ASXL2: variants seen among roughly 807,000 people sequenced by gnomAD.
The protein encoded by ASXL2 is ASXL transcriptional regulator 2.
A neutral mutation model predicts 122.0 loss-of-function variants in ASXL2; 23 were observed. That is an observed-to-expected ratio of 0.19 (90% CI 0.14 to 0.27). The LOEUF (loss-of-function observed/expected upper bound fraction) is 0.27, where lower values mean the gene tolerates loss of function less well. Ranked by LOEUF, ASXL2 falls within the 10% of genes least tolerant of loss-of-function variation. The probability of loss-of-function intolerance (pLI) is 1.00; values close to 1 mark genes in which losing one functional copy is unlikely to be tolerated. For synonymous variants in ASXL2, 650 were observed against 637.0 expected (o/e 1.02, Z -0.31); for missense variants, 1,518 against 1,713.8 (o/e 0.89, Z 2.02).
chr2:25,779,353 C>T (rs1354231425), intron 5 of ASXL2, among the ~76,000 whole-genome samples: 1 of 152,126 alleles, frequency 6.6e-6, no homozygotes, highest in African/African-American at 2.4e-5. Context: ...CTGCTTCAGC[C>T]TCCCAAAGTG....
Position 25,767,718 on chromosome 2 carries a change from C to G in ASXL2, c.640G>C (p.Glu214Gln). 1 of 1,613,818 alleles carries G rather than the reference C, an allele frequency of 6.2e-7. No individual in the cohort carries two copies. Among genetic ancestry groups the G allele is most frequent in the Non-Finnish European group, 8.5e-7 (1 of 1,179,818 alleles). ...GTCTGTCCATCAGATTGCTTTCCTT[C>G]CCATGTTGCTAGGAGAAAAAAATAC... is the stretch of plus-strand genomic sequence containing the variant. ...DSVPAKPATW[E>Q]GKQSDGQTGS... Residue 214 changes from glutamate (E) to glutamine (Q), a missense_variant, in exon 8 of 13, where the codon GAA becomes CAA. Physicochemically the swap from Glu to Gln is conservative, Grantham distance 29 (BLOSUM62 2). This residue lies in a region of ASXL2 where 198 missense variants were observed against 209.0 expected (regional missense o/e 0.95). Coordinates refer to ENST00000435504, the MANE Select transcript of ASXL2 (RefSeq NM_018263.6).
At chr2:25,843,841 GA>G (rs2089617600) in intron 2 of ASXL2, among the ~76,000 whole-genome samples, 1 of 133,496 alleles carries the variant, frequency 7.5e-6, no homozygotes, top group East Asian at 2.0e-4. Flanking sequence ...AAGAAAGAAA[GA>G]AAGAAAGAAA....
At chr2:25,803,781 A>C (rs1192747266) in intron 4 of ASXL2, among the ~76,000 whole-genome samples, 1 of 152,240 alleles carries the variant, frequency 6.6e-6, no homozygotes, top group Non-Finnish European at 1.5e-5. Context: ...GGCAGAACTC[A>C]GGCAGTCATG....
rs1405367266 is a variant in ASXL2 at position 25,753,705 on chromosome 2, AATC to A, written c.1037-69_1037-67del. On this transcript the variant is annotated intron_variant, in intron 10 of 12. Transcript: ENST00000435504. ...TATTTGCAACATGTAACTATTTATAAATCATGAAAGACTCACGCAGGAATTGGA... is the reference window on the plus strand; with the variant it reads ...TATTTGCAACATGTAACTATTTATAAATGAAAGACTCACGCAGGAATTGGA... 2.4e-6 allele frequency: 3 copies of A among 1,240,680 alleles called. No homozygotes were observed. The Admixed American group carries it at 5.7e-5, about 24-fold the overall frequency. The allele number at this position is 1,240,680 out of a possible 1,614,324, so 76.9% of individuals were successfully genotyped here.
chr2:25,814,965 T>C (rs1024932015), intron 3 of ASXL2, among the ~76,000 whole-genome samples: 3 of 152,212 alleles, frequency 2.0e-5, no homozygotes, highest in Admixed American at 1.3e-4. Flanking sequence ...TGTAACTCGA[T>C]TGTACAGATC....
Position 25,759,560 on chromosome 2 carries a change from G to C in ASXL2, c.861C>G (p.Ile287Met), listed in dbSNP as rs777285115. The change falls in exon 9 of 13, where the codon ATC becomes ATG. Residue 287 changes from isoleucine (I) to methionine (M), a missense_variant. Transcript: ENST00000435504. ...GAAGGACTGAAAATGTGTGCTTGTT[G>C]ATCAGTGCTCGCAGATTTGTATTAA... ...ILVNTNLRAL[I>M]NKHTFSVLPG... 6.2e-7 allele frequency: 1 copy of C among 1,613,960 alleles called. No homozygotes were observed. Among genetic ancestry groups the C allele is most frequent in the Non-Finnish European group, 8.5e-7 (1 of 1,179,874 alleles).
In ASXL2 at chr2:25,742,702, G is replaced by A; in HGVS notation, c.3635C>T (p.Ser1212Leu). Residue 1212 changes from serine (S) to leucine (L), a missense_variant, in exon 13 of 13, where the codon TCA becomes TTA. Physicochemically the swap from Ser to Leu is moderately radical, Grantham distance 145 (BLOSUM62 -2). This residue lies in a region of ASXL2 where 831 missense variants were observed against 833.1 expected (regional missense o/e 1.00). Coordinates refer to ENST00000435504, the MANE Select transcript of ASXL2 (RefSeq NM_018263.6). ...SQSAGKGDTS[S>L]GPHSRETLST... Reference sequence around the variant, plus strand: ...TAGAGTTTCCCTGCTGTGAGGTCCTGAACTTGTGTCACCCTTGCCAGCACT... The same window carrying A: ...TAGAGTTTCCCTGCTGTGAGGTCCTAAACTTGTGTCACCCTTGCCAGCACT... 6.2e-7 allele frequency: 1 copy of A among 1,613,954 alleles called. No homozygotes were observed. The highest frequency in any genetic ancestry group is 1.1e-5 in the South Asian group (1 of 91,078).
At chr2:25,839,614 C>CTTTTT (rs35346359) in intron 2 of ASXL2, among the ~76,000 whole-genome samples, 3 of 106,948 alleles carry the variant, frequency 2.8e-5, no homozygotes, top group Non-Finnish European at 5.5e-5. Context: ...GAAATTCTAT[C>CTTTTT]TTTTTTTTTT....
rs1574384278 is a variant in ASXL2 at position 25,735,001 on chromosome 2, G to C, written c.*7028C>G. The C allele has an allele frequency of 6.6e-6, 1 of 152,172 alleles. No individual in the cohort carries two copies. The highest frequency in any genetic ancestry group is 1.5e-5 in the Non-Finnish European group (1 of 68,014). 9.4% of individuals were successfully genotyped at this position (152,172 alleles called of 1,614,324 possible). A position where few individuals can be genotyped will look rare whatever the true frequency, so the allele number is the denominator to read the frequency against. ...ATCCTCTAGGTTTTACAATTAAGAA[G>C]AAAATCAGGATTTTTAAAAATTCCC... On this transcript the variant is annotated 3_prime_UTR_variant, in exon 13 of 13. Transcript: ENST00000435504.
chr2:25,856,628 G>GA, intron 1 of ASXL2: 1 of 1,246,296 alleles, frequency 8.0e-7, no homozygotes, highest in Non-Finnish European at 1.2e-6. Flanking sequence ...GGTCAGCAAT[G>GA]AAAATGTCCT....
At chr2:25,808,080 C>T (rs1345489401) in intron 3 of ASXL2, among the ~76,000 whole-genome samples, 1 of 150,766 alleles carries the variant, frequency 6.6e-6, no homozygotes, top group Non-Finnish European at 1.5e-5. Flanking sequence ...GAGCTATTTA[C>T]TTGGGTATAT....
chr2:25,837,953 C>CAAAAAAAAAAA (rs34490545), intron 2 of ASXL2, among the ~76,000 whole-genome samples: 3 of 65,382 alleles, frequency 4.6e-5, no homozygotes, highest in African/African-American at 9.6e-5. Context: ...CCTGTCTCTA[C>CAAAAAAAAAAA]AAAAAAAAAA....
In ASXL2 at chr2:25,741,962, C is replaced by G. The variant is rs888612465; in HGVS notation, c.*67G>C. The stretch of plus-strand genomic sequence containing the variant: ...GTTTATTTCTGTGATTCCAAAAGGA[C>G]GCAAAAAACCCAACTGGTCAACCCT... On this transcript the variant is annotated 3_prime_UTR_variant, in exon 13 of 13. Transcript: ENST00000435504. The G allele has an allele frequency of 6.8e-7, 1 of 1,461,294 alleles. No homozygotes were observed. The highest frequency in any genetic ancestry group is 9.3e-7 in the Non-Finnish European group (1 of 1,079,558). The allele number at this position is 1,461,294 out of a possible 1,614,324, so 90.5% of individuals were successfully genotyped here.
At chr2:25,840,687 T>C (rs1158382431) in intron 2 of ASXL2, among the ~76,000 whole-genome samples, 1 of 152,266 alleles carries the variant, frequency 6.6e-6, no homozygotes, top group Non-Finnish European at 1.5e-5. Context: ...TACTGTAGCA[T>C]GTATCAGAAT....
At chr2:25,866,910 A>AT (rs1559532807) in intron 1 of ASXL2, among the ~76,000 whole-genome samples, 1 of 140,354 alleles carries the variant, frequency 7.1e-6, no homozygotes, top group Non-Finnish European at 1.6e-5. Flanking sequence ...TTTTTTTTTT[A>AT]TTTTTTTGAG....
intron 2 of ASXL2, among the ~76,000 whole-genome samples, chr2:25,842,846 G>C (rs966531629): frequency 1.3e-5 from 2 of 151,334 alleles, no homozygotes; most frequent in East Asian, 3.9e-4. Flanking sequence ...TTTTGAGACA[G>C]AGTCTCGCTC....
chr2:25,787,766 T>C (rs1005338369), intron 5 of ASXL2, among the ~76,000 whole-genome samples: 6 of 152,172 alleles, frequency 3.9e-5, no homozygotes, highest in African/African-American at 1.4e-4. Flanking sequence ...AATGCAGTAA[T>C]ATAGTTTTTA....
chr2:25,761,490 C>A (rs978594074), intron 8 of ASXL2, among the ~76,000 whole-genome samples: 3 of 151,816 alleles, frequency 2.0e-5, no homozygotes, highest in East Asian at 1.9e-4. Flanking sequence ...CTGGCTAACA[C>A]GGTGAAACAT....
chr2:25,744,317 C>T lies in ASXL2; in HGVS notation c.2020G>A (p.Ala674Thr), dbSNP rs2087903561. The change falls in exon 13 of 13, where the codon GCT (alanine) becomes ACT (threonine). Residue 674 changes from alanine to threonine, a missense_variant. Physicochemically the swap from Ala to Thr is moderately conservative, Grantham distance 58 (BLOSUM62 0). This residue lies in a region of ASXL2 where 48 missense variants were observed against 82.1 expected (regional missense o/e 0.58). Coordinates refer to ENST00000435504, the MANE Select transcript of ASXL2 (RefSeq NM_018263.6). This position sits in a 1 kb window ranked among gnomAD's most constrained non-coding sequence, Gnocchi z 4.7. ...GCAGCAGCTGCGGCGGCAGCGGCAG[C>T]TGCTGCCCTCTGTGCTTTGACCAGT... Reference protein sequence around the residue: ...AQLVKAQRAAAAAAAAAAAAA... With the variant: ...AQLVKAQRAATAAAAAAAAAA... 1 of 1,613,826 alleles carries T rather than the reference C, an allele frequency of 6.2e-7. No homozygotes were observed. The highest frequency in any genetic ancestry group is 1.1e-5 in the South Asian group (1 of 91,080).
Sources: gnomAD v4.1 joint callset for allele counts (sites outside exome capture counted in the v4.1 genomes callset) on GRCh38, gnomAD v4.1.1 for gene constraint, gnomAD v4.1.1 regional missense constraint, Gnocchi (gnomAD v3.1) non-coding constraint, MANE v1.5 for transcripts, NCBI Gene and HGNC (gene_info 2026-07-23, HGNC 2026-07-21) for gene names.